Variants in ADPRS observed in about 807,000 individuals in gnomAD.
ADPRS encodes ADP-ribosylhydrolase ARH3.
In ADPRS, 25 loss-of-function variants were observed where a neutral mutation model predicts 32.1. That is an observed-to-expected ratio of 0.78 (90% CI 0.57 to 1.09). ADPRS has a LOEUF of 1.09. ADPRS is among the 50% of genes least tolerant of loss of function. The pLI is 0.00. For missense variants in ADPRS, 482 were observed against 480.6 expected (o/e 1.00, Z -0.03); for synonymous variants, 225 against 201.0 (o/e 1.12, Z -1.01).
At position 36,091,229 on chromosome 1, in the gene ADPRS, C is replaced by G. The variant is rs1310177757; in HGVS notation, c.212-15C>G. On this transcript the variant is annotated splice_polypyrimidine_tract_variant and intron_variant, in intron 1 of 5. Transcript: ENST00000373178. ...GGTGAGCAGGAGGCTCTCATCCTCCCTCCTCTCCCCACAGAAGCCTTGTAC... is the reference window on the plus strand; with the variant it reads ...GGTGAGCAGGAGGCTCTCATCCTCCGTCCTCTCCCCACAGAAGCCTTGTAC... The G allele has an allele frequency of 2.5e-6, 4 of 1,610,380 alleles. No individual in the cohort carries two copies. Among genetic ancestry groups the G allele is most frequent in the Non-Finnish European group, 3.4e-6 (4 of 1,176,988 alleles).
rs753762276 is a variant in ADPRS at position 36,091,808 on chromosome 1, G to A, written c.499G>A (p.Val167Ile). ...VAGISLAYSSVQDVQKFARLS... is the reference protein window; with the variant it reads ...VAGISLAYSSIQDVQKFARLS... ...TGGCATCTCCCTGGCCTATAGCAGT[G>A]TCCAGGATGTGCAGAAGGTATTCAG... The change falls in exon 3 of 6, where the codon GTC becomes ATC. Residue 167 changes from valine (V) to isoleucine (I), a missense_variant. Transcript: ENST00000373178. 2.2e-5 allele frequency: 35 copies of A among 1,601,934 alleles called. No individual in the cohort carries two copies. The highest frequency in any genetic ancestry group is 2.8e-5 in the Non-Finnish European group (33 of 1,171,618).
intron 1 of ADPRS, among the ~76,000 whole-genome samples, chr1:36,090,679 C>CGA (rs767939474): frequency 3.1e-5 from 2 of 65,330 alleles, no homozygotes; most frequent in Non-Finnish European, 5.7e-5. Flanking sequence ...TCCATCTCTA[C>CGA]AAAAAAAAAA....
Position 36,093,181 on chromosome 1 carries a change from C to T in ADPRS, c.887C>T (p.Ser296Phe). 1 of 1,614,220 alleles carries T rather than the reference C, an allele frequency of 6.2e-7. No individual in the cohort carries two copies. Among genetic ancestry groups the T allele is most frequent in the Non-Finnish European group, 8.5e-7 (1 of 1,180,046 alleles). ...ATGGAGCCAGACCCTGAGATCCCTT[C>T]TGCCTTCAATAGCCTCCAAAGGACT... ...RCMEPDPEIP[S>F]AFNSLQRTLI... Residue 296 changes from serine to phenylalanine, a missense_variant, in exon 6 of 6, where the codon TCT becomes TTT. Ser to Phe is a radical substitution (Grantham distance 155, BLOSUM62 -2). Transcript: ENST00000373178.
At position 36,093,910 on chromosome 1, in the gene ADPRS, T is replaced by A. The variant is rs1488152861; in HGVS notation, c.*524T>A. ...TAACAGCTTCCAGTGGAAGTCGCAA[T>A]AAACAGTTTTTGGTAAATCTCACCA... On this transcript the variant is annotated 3_prime_UTR_variant, in exon 6 of 6. Transcript: ENST00000373178. The A allele has an allele frequency of 6.3e-6, 1 of 158,764 alleles. No individual in the cohort carries two copies. Among genetic ancestry groups the A allele is most frequent in the Admixed American group, 5.9e-5 (1 of 16,842 alleles). The allele number at this position is 158,764 out of a possible 1,614,324, so 9.8% of individuals were successfully genotyped here. A position where few individuals can be genotyped will look rare whatever the true frequency, so the allele number is the denominator to read the frequency against.
chr1:36,091,510 T>G (rs985720321), intron 2 of ADPRS, 108 bp from the exon 3 acceptor site: 1 of 1,252,248 alleles, frequency 8.0e-7, no homozygotes, highest in Non-Finnish European at 1.1e-6. Context: ...TGCAGGCTCC[T>G]TAGGCCCCCG....
chr1:36,092,773 T>C (rs1326245468), intron 5 of ADPRS, among the ~76,000 whole-genome samples: 3 of 152,250 alleles, frequency 2.0e-5, no homozygotes, highest in Non-Finnish European at 4.4e-5. Flanking sequence ...TTTATTTGTC[T>C]AGCATCTATA....
rs536830210 is a variant in ADPRS at position 36,093,443 on chromosome 1, A to G, written c.*57A>G. The G allele has an allele frequency of 2.9e-5, 45 of 1,558,916 alleles. No individual in the cohort carries two copies. The highest frequency in any genetic ancestry group is 1.1e-4 in the East Asian group (5 of 44,440). Reference sequence around the variant, plus strand: ...TCCCCTGGGACCAACTACAGCTCCAATCAGAAACCCTGCGCTTCCTTGAGT... The same window carrying G: ...TCCCCTGGGACCAACTACAGCTCCAGTCAGAAACCCTGCGCTTCCTTGAGT... On this transcript the variant is annotated 3_prime_UTR_variant, in exon 6 of 6. Coordinates refer to ENST00000373178, the MANE Select transcript of ADPRS (RefSeq NM_017825.3).
intron 4 of ADPRS, 101 bp downstream of exon 4, chr1:36,092,195 G>C: frequency 1.4e-6 from 2 of 1,444,634 alleles, no homozygotes; most frequent in Non-Finnish European, 1.9e-6. Flanking sequence ...GCAGACCCTA[G>C]GGAGGCATGG....
At chr1:36,090,391 C>T (rs75467003) in intron 1 of ADPRS, among the ~76,000 whole-genome samples, 3 of 152,200 alleles carry the variant, frequency 2.0e-5, no homozygotes, top group East Asian at 3.9e-4. Flanking sequence ...GAAGATCAAA[C>T]CATGATGTAG....
At chr1:36,091,401 C>A in intron 2 of ADPRS, 61 bp downstream of exon 2, 1 of 1,505,122 alleles carries the variant, frequency 6.6e-7, no homozygotes, top group Non-Finnish European at 9.2e-7. Context: ...ACCCCTTGAC[C>A]AGAGGAATGA....
chr1:36,092,209 GA>G, intron 4 of ADPRS, 115 bp downstream of exon 4: 1 of 1,384,300 alleles, frequency 7.2e-7, no homozygotes, highest in South Asian at 1.5e-5. Context: ...GGCATGGGCA[GA>G]AGCCCCTTTA....
chr1:36,091,121 A>G (rs1159176210), intron 1 of ADPRS, 123 bp from the exon 2 acceptor site: 2 of 710,454 alleles, frequency 2.8e-6, no homozygotes, highest in African/African-American at 1.8e-5. Context: ...GTGAGCCATG[A>G]TTGCACCAGT....
At position 36,091,345 on chromosome 1, in the gene ADPRS, G is replaced by C. The variant is rs765011614; in HGVS notation, c.308+5G>C. The C allele has an allele frequency of 6.2e-7, 1 of 1,613,892 alleles. No individual in the cohort carries two copies. The highest frequency in any genetic ancestry group is 1.1e-5 in the South Asian group (1 of 91,048). ...CGAGGTGGACATGGCTCACAGGTGA[G>C]GGGGATGGTCCTGGGCTGAGGCAAA... On this transcript the variant is annotated splice_donor_5th_base_variant and intron_variant, in intron 2 of 5. Transcript: ENST00000373178.
At position 36,093,367 on chromosome 1, in the gene ADPRS, G is replaced by A. The variant is rs139356242; in HGVS notation, c.1073G>A (p.Arg358His). 3.0e-5 allele frequency: 48 copies of A among 1,613,474 alleles called. No individual in the cohort carries two copies. The highest frequency in any genetic ancestry group is 1.1e-4 in the African/African-American group (8 of 74,946). The change falls in exon 6 of 6, where the codon CGT becomes CAT. Residue 358 changes from arginine to histidine, a missense_variant. Physicochemically the swap from Arg to His is conservative, Grantham distance 29. Transcript: ENST00000373178. ...ETDILAQSLH[R>H]VFQKS ...GACATCCTGGCCCAAAGCCTGCACC[G>A]TGTCTTCCAGAAGAGTTGATGAGGG... is the stretch of plus-strand genomic sequence containing the variant.
chr1:36,092,177 C>A (rs1231113568), intron 4 of ADPRS, 83 bp downstream of exon 4: 3 of 1,501,038 alleles, frequency 2.0e-6, no homozygotes, highest in Admixed American at 4.4e-5. Context: ...TGTAAACCTT[C>A]CTCAATTGCA....
chr1:36,091,927 C>T lies in ADPRS; in HGVS notation c.534C>T (p.Ala178=). 1 of 1,606,278 alleles carries T rather than the reference C, an allele frequency of 6.2e-7. No individual in the cohort carries two copies. The highest frequency in any genetic ancestry group is 1.1e-5 in the South Asian group (1 of 90,540). ...QDVQKFARLS[A]QLTHASSLGY... ...CTCCCTAGTTTGCCCGGCTCTCGGC[C>T]CAGCTGACACACGCCTCCTCCCTGG... The change falls in exon 4 of 6, where the codon GCC becomes GCT. Residue 178 remains alanine (A), a synonymous_variant. Coordinates refer to ENST00000373178, the MANE Select transcript of ADPRS (RefSeq NM_017825.3).
intron 1 of ADPRS, among the ~76,000 whole-genome samples, chr1:36,089,536 GTC>G (rs1643449171): frequency 6.6e-6 from 1 of 152,202 alleles, no homozygotes; most frequent in South Asian, 2.1e-4. Flanking sequence ...GTCGGGGACT[GTC>G]TGTCCACCCT....
intron 2 of ADPRS, 108 bp downstream of exon 2, chr1:36,091,448 A>C: frequency 4.0e-6 from 5 of 1,261,526 alleles, no homozygotes; most frequent in Non-Finnish European, 5.6e-6. Flanking sequence ...CCTCCACAGA[A>C]GCCTGTGTCA....
rs754749794 is a variant in ADPRS, at chr1:36,092,417, C to T, written c.702-5C>T. ...GACCTCCCTGAAATCTCCCCTAAACCACAGGTTGGGCATGGAGGAGCGTCC... is the reference window on the plus strand; with the variant it reads ...GACCTCCCTGAAATCTCCCCTAAACTACAGGTTGGGCATGGAGGAGCGTCC... On this transcript the variant is annotated splice_polypyrimidine_tract_variant and splice_region_variant and intron_variant, in intron 4 of 5. Transcript: ENST00000373178. The T allele has an allele frequency of 1.9e-6, 3 of 1,614,022 alleles. No individual in the cohort carries two copies. The highest frequency in any genetic ancestry group is 1.1e-5 in the South Asian group (1 of 91,084).
Sources: gnomAD v4.1 joint callset for allele counts (sites outside exome capture counted in the v4.1 genomes callset) on GRCh38, gnomAD v4.1.1 for gene constraint, MANE v1.5 for transcripts, NCBI Gene and HGNC (gene_info 2026-07-23, HGNC 2026-07-21) for gene names.